The following OXCT1 variants were observed in gnomAD, a reference collection of about 807,000 sequenced individuals.
The protein encoded by OXCT1 is 3-oxoacid CoA-transferase 1.
OXCT1 carries 27 observed loss-of-function variants against 69.6 expected under a neutral mutation model. The ratio of observed to expected loss-of-function variants is 0.39; its 90% confidence interval spans 0.29 to 0.54. The LOEUF (loss-of-function observed/expected upper bound fraction) is 0.54, where lower values mean the gene tolerates loss of function less well. Ranked by LOEUF, OXCT1 falls within the 20% of genes least tolerant of loss-of-function variation. The pLI is 0.72. For missense variants in OXCT1, 437 were observed against 650.2 expected (o/e 0.67, Z 3.57); for synonymous variants, 202 against 217.8 (o/e 0.93, Z 0.64).
intron 13 of OXCT1, among the ~76,000 whole-genome samples, chr5:41,764,988 T>C (rs1296445126): frequency 6.6e-6 from 1 of 152,104 alleles, no homozygotes; most frequent in Non-Finnish European, 1.5e-5. Context: ...AAACAGAAAA[T>C]AAAATGTTTC....
At chr5:41,839,608 C>G (rs1028781886) in intron 7 of OXCT1, among the ~76,000 whole-genome samples, 1 of 152,194 alleles carries the variant, frequency 6.6e-6, no homozygotes, top group African/African-American at 2.4e-5. Flanking sequence ...AAAACTCTAA[C>G]ATTTGATTGT....
At chr5:41,747,807 T>C (rs1004866769) in intron 15 of OXCT1, among the ~76,000 whole-genome samples, 11 of 152,042 alleles carry the variant, frequency 7.2e-5, no homozygotes, top group Non-Finnish European at 1.3e-4. Context: ...ACAAGATATG[T>C]TAAAAGCTTG....
At chr5:41,849,504 T>C (rs937284051) in intron 5 of OXCT1, among the ~76,000 whole-genome samples, 4 of 152,222 alleles carry the variant, frequency 2.6e-5, no homozygotes, top group South Asian at 2.1e-4. Flanking sequence ...GCATTTTAAA[T>C]AGAAGTAGGT....
At chr5:41,794,477 G>T (rs1746080976) in intron 12 of OXCT1, 200 bp downstream of exon 12, 8 of 617,362 alleles carry the variant, frequency 1.3e-5, no homozygotes, top group African/African-American at 1.8e-5. Context: ...CCATTTTGGG[G>T]GTTCTTTTCC....
At chr5:41,854,050 T>C (rs1236603746) in intron 3 of OXCT1, among the ~76,000 whole-genome samples, 2 of 152,214 alleles carry the variant, frequency 1.3e-5, no homozygotes, top group Non-Finnish European at 2.9e-5. Context: ...AGGGGCATTC[T>C]GGTATTTAAA....
intron 7 of OXCT1, among the ~76,000 whole-genome samples, chr5:41,823,131 C>T (rs1202107072): frequency 6.6e-6 from 1 of 152,176 alleles, no homozygotes; most frequent in Non-Finnish European, 1.5e-5. Flanking sequence ...TTTCAAATAA[C>T]ACTATATCAC....
At position 41,814,424 on chromosome 5, in the gene OXCT1, A is replaced by G. The variant is rs148991325; in HGVS notation, c.733-6986T>C. On this transcript the variant is annotated intron_variant, in intron 7 of 16. Coordinates refer to ENST00000196371, the MANE Select transcript of OXCT1 (RefSeq NM_000436.4). ...ACCATGCTGCTATAGACACGTGCAC[A>G]TGTATGTTTATTGCGGCTCTATTCA... is the stretch of plus-strand genomic sequence containing the variant. 6.6e-5 allele frequency among the ~76,000 whole-genome samples: 10 copies of G among 152,254 alleles called. No homozygotes were observed. The East Asian group carries it at 9.7e-4, about 15-fold the overall frequency.
chr5:41,822,585 T>G (rs1747608743), intron 7 of OXCT1, among the ~76,000 whole-genome samples: 1 of 152,162 alleles, frequency 6.6e-6, no homozygotes, highest in African/African-American at 2.4e-5. Context: ...GCGATTCCCC[T>G]GACTCAGCCT....
At chr5:41,816,111 A>G (rs892820501) in intron 7 of OXCT1, among the ~76,000 whole-genome samples, 4 of 152,192 alleles carry the variant, frequency 2.6e-5, no homozygotes, top group African/African-American at 7.2e-5. Flanking sequence ...AACAGTCCCT[A>G]AATTTAAAAT....
chr5:41,768,381 G>C (rs948609737), intron 13 of OXCT1, among the ~76,000 whole-genome samples: 2 of 152,174 alleles, frequency 1.3e-5, no homozygotes, highest in African/African-American at 4.8e-5. Flanking sequence ...GCACAGAAGA[G>C]AGCTGCCTGA....
intron 7 of OXCT1, among the ~76,000 whole-genome samples, chr5:41,814,883 A>G (rs1380626168): frequency 2.0e-5 from 3 of 152,108 alleles, no homozygotes; most frequent in Admixed American, 2.0e-4. Flanking sequence ...AATAATAAAA[A>G]TAAATAAATA....
chr5:41,750,404 T>C (rs1181769406), intron 14 of OXCT1, among the ~76,000 whole-genome samples: 1 of 152,030 alleles, frequency 6.6e-6, no homozygotes, highest in Admixed American at 6.6e-5. Context: ...AGGAACACAG[T>C]TGAAACATTG....
intron 13 of OXCT1, among the ~76,000 whole-genome samples, chr5:41,772,925 G>A (rs1337239206): frequency 6.6e-6 from 1 of 152,160 alleles, no homozygotes; most frequent in Admixed American, 6.5e-5. Flanking sequence ...TCAGGTCTGA[G>A]TCCCAAAAGG....
intron 13 of OXCT1, among the ~76,000 whole-genome samples, chr5:41,792,600 A>G (rs1439804723): frequency 6.6e-6 from 1 of 152,224 alleles, no homozygotes; most frequent in African/African-American, 2.4e-5. Flanking sequence ...CAAACTTTCT[A>G]TCTGACTCAC....
intron 7 of OXCT1, among the ~76,000 whole-genome samples, chr5:41,835,568 A>G (rs972243746): frequency 6.6e-6 from 1 of 152,254 alleles, no homozygotes; most frequent in South Asian, 2.1e-4. Context: ...GTGTGCACCA[A>G]ATATCGTATC....
At chr5:41,805,742 C>A in intron 8 of OXCT1, 61 bp from the exon 9 acceptor site, 3 of 1,103,652 alleles carry the variant, frequency 2.7e-6, no homozygotes, top group Non-Finnish European at 4.2e-6. Flanking sequence ...TTTATCACTG[C>A]TGAAATAAAT....
intron 1 of OXCT1, among the ~76,000 whole-genome samples, chr5:41,868,557 A>C (rs1171249440): frequency 2.0e-5 from 3 of 152,112 alleles, no homozygotes; most frequent in African/African-American, 7.2e-5. Flanking sequence ...CCCCGTCTCT[A>C]CTAAAAATAC....
At chr5:41,813,040 C>A (rs1319891528) in intron 7 of OXCT1, among the ~76,000 whole-genome samples, 1 of 152,012 alleles carries the variant, frequency 6.6e-6, no homozygotes, top group African/African-American at 2.4e-5. Flanking sequence ...TCTAAGTCTT[C>A]CACCCAATTA....
At chr5:41,840,350 T>C (rs1002552885) in intron 7 of OXCT1, 101 bp downstream of exon 7, 3 of 887,342 alleles carry the variant, frequency 3.4e-6, no homozygotes, top group South Asian at 1.5e-5. Context: ...AAAGCTGTCA[T>C]TGTTATCCAT....
Sources: gnomAD v4.1 joint callset for allele counts (sites outside exome capture counted in the v4.1 genomes callset) on GRCh38, gnomAD v4.1.1 for gene constraint, MANE v1.5 for transcripts, NCBI Gene and HGNC (gene_info 2026-07-23, HGNC 2026-07-21) for gene names.